SCARA3: variants seen among roughly 807,000 people sequenced by gnomAD.
SCARA3 encodes scavenger receptor class A member 3.
A neutral mutation model predicts 47.0 loss-of-function variants in SCARA3; 39 were observed. That is an observed-to-expected ratio of 0.83 (90% CI 0.64 to 1.08). The LOEUF (loss-of-function observed/expected upper bound fraction) is 1.08, where lower values mean the gene tolerates loss of function less well. Among genes scored for constraint, SCARA3 ranks in the 50% least tolerant of loss-of-function variants. The pLI is 0.00. For synonymous variants in SCARA3, 356 were observed against 334.1 expected (o/e 1.07, Z -0.71); for missense variants, 724 against 792.3 (o/e 0.91, Z 1.04).
Position 27,671,046 on chromosome 8 carries a change from C to A in SCARA3, c.1516C>A (p.Pro506Thr). 6.2e-7 allele frequency: 1 copy of A among 1,612,514 alleles called. No homozygotes were observed. Among genetic ancestry groups the A allele is most frequent in the South Asian group, 1.1e-5 (1 of 91,034 alleles). ...GPQGQPGEAG[P>T]VGERGPVGPR... Reference sequence around the variant, plus strand: ...TCAGGGGCAACCTGGAGAGGCCGGGCCTGTGGGAGAAAGGGGCCCTGTTGG... The same window carrying A: ...TCAGGGGCAACCTGGAGAGGCCGGGACTGTGGGAGAAAGGGGCCCTGTTGG... Residue 506 changes from proline to threonine, a missense_variant, in exon 6 of 6, where the codon CCT becomes ACT. Pro to Thr is a conservative substitution (Grantham distance 38, BLOSUM62 -1). Coordinates refer to ENST00000301904, the MANE Select transcript of SCARA3 (RefSeq NM_016240.3).
At chr8:27,711,572 T>A in the SCARA3 span, among the ~76,000 whole-genome samples, 1 of 152,138 alleles carries the variant, frequency 6.6e-6, no homozygotes, top group Non-Finnish European at 1.5e-5. Flanking sequence ...TTCCTTTTGG[T>A]GGAAAATGGT....
intron 2 of SCARA3, among the ~76,000 whole-genome samples, chr8:27,651,227 T>C (rs1801624548): frequency 6.6e-6 from 1 of 152,228 alleles, no homozygotes; most frequent in Non-Finnish European, 1.5e-5. Flanking sequence ...GGAAGAGGTG[T>C]TTCCCCTCCC....
At chr8:27,647,096 G>A (rs1231799489) in intron 1 of SCARA3, among the ~76,000 whole-genome samples, 1 of 151,622 alleles carries the variant, frequency 6.6e-6, no homozygotes, top group South Asian at 2.1e-4. Context: ...CTTGAGCCAG[G>A]CATTAACAAC....
the SCARA3 span, among the ~76,000 whole-genome samples, chr8:27,705,562 TG>T: frequency 6.6e-6 from 1 of 152,262 alleles, no homozygotes; most frequent in Non-Finnish European, 1.5e-5. Flanking sequence ...GTAATTTACT[TG>T]GCCCTTCCAA....
At chr8:27,666,372 A>G (rs1032658393) in intron 5 of SCARA3, among the ~76,000 whole-genome samples, 2 of 152,188 alleles carry the variant, frequency 1.3e-5, no homozygotes, top group African/African-American at 4.8e-5. Context: ...AAGCCTCCAG[A>G]AAGATGTTTT....
chr8:27,649,472 C>G lies in SCARA3; in HGVS notation c.8-230C>G, dbSNP rs555716647. Among the ~76,000 whole-genome samples the G allele has an allele frequency of 7.9e-5, 12 of 152,300 alleles. No individual in the cohort carries two copies. In the East Asian group the frequency reaches 2.3e-3, roughly 29 times the overall value. Reference sequence around the variant, plus strand: ...GAGGTGGCCCATGTGTCTTTCCCAGCGTGTGGAAAATGGGGAGCTCTCCTC... The same window carrying G: ...GAGGTGGCCCATGTGTCTTTCCCAGGGTGTGGAAAATGGGGAGCTCTCCTC... On this transcript the variant is annotated intron_variant, in intron 1 of 5. Transcript: ENST00000301904.
chr8:27,665,360 G>C (rs1296482903), intron 5 of SCARA3, among the ~76,000 whole-genome samples: 1 of 152,210 alleles, frequency 6.6e-6, no homozygotes, highest in Non-Finnish European at 1.5e-5. Context: ...CTTTCATAGT[G>C]TTTGTGTCTC....
At chr8:27,718,223 C>A in the SCARA3 span, among the ~76,000 whole-genome samples, 1 of 152,260 alleles carries the variant, frequency 6.6e-6, no homozygotes, top group African/African-American at 2.4e-5. Context: ...TTGCCCCCTC[C>A]TCTGTGCTCG....
chr8:27,692,419 CAA>C, the SCARA3 span, among the ~76,000 whole-genome samples: 41 of 127,780 alleles, frequency 3.2e-4, no homozygotes, highest in East Asian at 3.4e-3. Flanking sequence ...AACCCTATCT[CAA>C]AAAAAAAAAA....
At chr8:27,711,831 A>G in the SCARA3 span, among the ~76,000 whole-genome samples, 1 of 152,192 alleles carries the variant, frequency 6.6e-6, no homozygotes, top group Admixed American at 6.5e-5. Flanking sequence ...CTGCCCCGAC[A>G]TATGCACAGC....
chr8:27,667,265 G>T (rs941130093), intron 5 of SCARA3, among the ~76,000 whole-genome samples: 1 of 152,174 alleles, frequency 6.6e-6, no homozygotes, highest in Non-Finnish European at 1.5e-5. Context: ...TCCTCTGCCC[G>T]CATGACTCAT....
chr8:27,693,981 G>A, the SCARA3 span, among the ~76,000 whole-genome samples: 2 of 152,188 alleles, frequency 1.3e-5, no homozygotes, highest in South Asian at 4.1e-4. Flanking sequence ...AAAGCCAGCT[G>A]TATCCAACCA....
chr8:27,667,740 G>C (rs549827153), intron 5 of SCARA3, among the ~76,000 whole-genome samples: 109 of 152,330 alleles, frequency 7.2e-4, no homozygotes, highest in Non-Finnish European at 1.4e-3. Flanking sequence ...CATGGAGCAG[G>C]CAGAGAGTGA....
chr8:27,682,451 C>T, the SCARA3 span, among the ~76,000 whole-genome samples: 1 of 151,984 alleles, frequency 6.6e-6, no homozygotes, highest in Admixed American at 6.6e-5. Context: ...ATTAATAGGT[C>T]TATTTAAGTA....
chr8:27,725,464 AG>A, the SCARA3 span, among the ~76,000 whole-genome samples: 3 of 151,136 alleles, frequency 2.0e-5, no homozygotes, highest in Admixed American at 2.0e-4. Context: ...TACATTATAT[AG>A]TAAAAAGAAA....
At chr8:27,666,208 G>C (rs560595472) in intron 5 of SCARA3, among the ~76,000 whole-genome samples, 128 of 152,308 alleles carry the variant, frequency 8.4e-4, no homozygotes, top group African/African-American at 3.0e-3. Flanking sequence ...ACTCCACTCA[G>C]CTTCTCAGCC....
At chr8:27,727,252 G>A in the SCARA3 span, among the ~76,000 whole-genome samples, 1 of 152,170 alleles carries the variant, frequency 6.6e-6, no homozygotes, top group Non-Finnish European at 1.5e-5. Context: ...TGGTTTAGAA[G>A]AAGATTCAGG....
chr8:27,660,894 A>G (rs1273280802), intron 5 of SCARA3, among the ~76,000 whole-genome samples: 2 of 152,058 alleles, frequency 1.3e-5, no homozygotes, highest in African/African-American at 4.8e-5. Flanking sequence ...AATGATAGAG[A>G]TAGATGGATA....
chr8:27,718,446 G>A, the SCARA3 span, among the ~76,000 whole-genome samples: 1 of 152,192 alleles, frequency 6.6e-6, no homozygotes, highest in Admixed American at 6.5e-5. Flanking sequence ...GGCAAAGAAT[G>A]GGTTTCAAAT....
Sources: gnomAD v4.1 joint callset for allele counts (sites outside exome capture counted in the v4.1 genomes callset) on GRCh38, gnomAD v4.1.1 for gene constraint, MANE v1.5 for transcripts, NCBI Gene and HGNC (gene_info 2026-07-23, HGNC 2026-07-21) for gene names.